Variants in GART observed in about 807,000 individuals in gnomAD.
The protein encoded by GART is phosphoribosylglycinamide formyltransferase, phosphoribosylglycinamide synthetase, phosphoribosylaminoimidazole synthetase.
GART carries 43 observed loss-of-function variants against 107.2 expected under a neutral mutation model. That is an observed-to-expected ratio of 0.40 (90% CI 0.31 to 0.52). GART has a LOEUF of 0.52. GART is among the 20% of genes least tolerant of loss of function. GART has a pLI of 0.52. For synonymous variants in GART, 434 were observed against 427.0 expected (o/e 1.02, Z -0.20); for missense variants, 1,107 against 1,206.5 (o/e 0.92, Z 1.22).
At chr21:33,533,489 A>T (rs2085238452) in intron 4 of GART, among the ~76,000 whole-genome samples, 1 of 151,098 alleles carries the variant, frequency 6.6e-6, no homozygotes, top group Admixed American at 6.6e-5. Context: ...ATAAATAAAT[A>T]AATAAAATAA....
chr21:33,517,208 C>A (rs1265348003), intron 15 of GART, 67 bp from the exon 16 acceptor site: 3 of 1,561,642 alleles, frequency 1.9e-6, no homozygotes, highest in Non-Finnish European at 2.6e-6. Flanking sequence ...AAAAATCAAC[C>A]TGGAGAATGA....
In GART at chr21:33,535,412, T is replaced by C. The variant is rs550954127; in HGVS notation, c.146-92A>G. 33 of 684,264 alleles carry C rather than the reference T, an allele frequency of 4.8e-5. No individual in the cohort carries two copies. The Admixed American group carries it at 6.5e-4, about 13-fold the overall frequency. The allele number at this position is 684,264 out of a possible 1,614,324, so 42.4% of individuals were successfully genotyped here. A position where few individuals can be genotyped will look rare whatever the true frequency, so the allele number is the denominator to read the frequency against. On this transcript the variant is annotated intron_variant, in intron 2 of 21. Coordinates refer to ENST00000381815, the MANE Select transcript of GART (RefSeq NM_000819.5). ...GTGTCTCACTAAAAAAACTAAGTTC[T>C]ATACTTTAGTATGCTTGTTATCTGT...
At chr21:33,537,045 G>A (rs907411792) in intron 2 of GART, among the ~76,000 whole-genome samples, 21 of 152,166 alleles carry the variant, frequency 1.4e-4, no homozygotes, top group African/African-American at 4.6e-4. Flanking sequence ...GGAGTACCAC[G>A]CACTGTGGGT....
At chr21:33,538,686 A>C (rs2085349772) in intron 2 of GART, among the ~76,000 whole-genome samples, 1 of 152,254 alleles carries the variant, frequency 6.6e-6, no homozygotes, top group African/African-American at 2.4e-5. Context: ...TATTCTGAAC[A>C]ATAGGTTACC....
chr21:33,540,958 T>G (rs2085402582), intron 1 of GART, among the ~76,000 whole-genome samples: 1 of 151,314 alleles, frequency 6.6e-6, no homozygotes, highest in Admixed American at 6.6e-5. Context: ...TAAGAGGGGG[T>G]GGAGCCTAAC....
At position 33,527,678 on chromosome 21, in the gene GART, GA is replaced by G. The variant is rs1367893715; in HGVS notation, c.1066+488del. Among the ~76,000 whole-genome samples the G allele has an allele frequency of 5.3e-5, 8 of 151,672 alleles. No homozygotes were observed. In the South Asian group the frequency reaches 6.2e-4, roughly 12 times the overall value. On this transcript the variant is annotated intron_variant, in intron 10 of 21. Transcript: ENST00000381815. ...CACCTACTTTATATAAAGAGAGAGA[GA>G]AAAAAAAGAGAAGGATAAACTTTGA...
At chr21:33,508,706 AG>A (rs1228972093) in intron 18 of GART, among the ~76,000 whole-genome samples, 6 of 151,828 alleles carry the variant, frequency 4.0e-5, no homozygotes, top group Admixed American at 3.3e-4. Context: ...TAGTGGAGAC[AG>A]GGTTTCACCA....
At chr21:33,508,723 G>C (rs1369871770) in intron 18 of GART, among the ~76,000 whole-genome samples, 3 of 151,916 alleles carry the variant, frequency 2.0e-5, no homozygotes, top group Non-Finnish European at 2.9e-5. Context: ...CACCATGTTG[G>C]CCAGGATGGT....
rs1192979567 is a variant in GART, at chr21:33,524,959, C to A, written c.1108G>T (p.Ala370Ser). Residue 370 changes from alanine to serine, a missense_variant, in exon 11 of 22, where the codon GCA becomes TCA. Coordinates refer to ENST00000381815, the MANE Select transcript of GART (RefSeq NM_000819.5). ...AQALGLEVFH[A>S]GTALKNGKVV... ...TTGCCATTTTTGAGGGCAGTGCCTG[C>A]ATGGAACACCTCCAGTCCTAGAGCT... 6.2e-7 allele frequency: 1 copy of A among 1,614,196 alleles called. No individual in the cohort carries two copies. The highest frequency in any genetic ancestry group is 1.1e-5 in the South Asian group (1 of 91,084).
intron 5 of GART, 77 bp downstream of exon 5, chr21:33,532,268 G>A (rs2085206541): frequency 1.0e-6 from 1 of 997,148 alleles, no homozygotes; most frequent in Non-Finnish European, 1.6e-6. Flanking sequence ...CTTATTGTGA[G>A]GAACATTTTT....
At chr21:33,518,582 C>G (rs994864298) in intron 14 of GART, 9 of 292,732 alleles carry the variant, frequency 3.1e-5, no homozygotes, top group African/African-American at 2.0e-4. Flanking sequence ...TAAATTTTAT[C>G]AGATCCATAA....
chr21:33,536,814 C>T (rs1480263155), intron 2 of GART, among the ~76,000 whole-genome samples: 5 of 152,150 alleles, frequency 3.3e-5, no homozygotes, highest in Non-Finnish European at 5.9e-5. Flanking sequence ...TCAGGTTGGA[C>T]GGCACAAAAT....
At chr21:33,505,413 G>A (rs1301651126) in intron 20 of GART, 148 bp downstream of exon 20, 1 of 590,504 alleles carries the variant, frequency 1.7e-6, no homozygotes, top group Non-Finnish European at 2.9e-6. Context: ...ACTGTGACCT[G>A]TGTTAAAGTA....
chr21:33,509,725 C>T (rs550791090), intron 18 of GART, 58 bp downstream of exon 18: 39 of 1,564,878 alleles, frequency 2.5e-5, no homozygotes, highest in Middle Eastern at 1.7e-4. Flanking sequence ...CACAAGAGTG[C>T]GGGGAGGAAA....
chr21:33,536,613 A>G (rs1445494343), intron 2 of GART, among the ~76,000 whole-genome samples: 2 of 152,268 alleles, frequency 1.3e-5, no homozygotes, highest in Non-Finnish European at 2.9e-5. Flanking sequence ...AATTAGGCAC[A>G]GTAAGAGATT....
intron 6 of GART, 111 bp from the exon 7 acceptor site, chr21:33,530,995 T>C (rs2085176928): frequency 2.9e-6 from 3 of 1,052,276 alleles, no homozygotes. Flanking sequence ...AAAGTTTGTT[T>C]TTTTTTTTGC....
At chr21:33,530,404 C>T (rs2085162767) in intron 7 of GART, among the ~76,000 whole-genome samples, 1 of 152,168 alleles carries the variant, frequency 6.6e-6, no homozygotes, top group Non-Finnish European at 1.5e-5. Context: ...ATATCACACA[C>T]ACACACAGAT....
At chr21:33,537,468 A>G (rs1298395551) in intron 2 of GART, among the ~76,000 whole-genome samples, 1 of 152,236 alleles carries the variant, frequency 6.6e-6, no homozygotes, top group Non-Finnish European at 1.5e-5. Flanking sequence ...TGGAGCTTAC[A>G]TTCTACTAGA....
chr21:33,542,731 T>A (rs1272455710), upstream of GART: 5 of 232,182 alleles, frequency 2.2e-5, no homozygotes. Context: ...TCGCCTTTAA[T>A]CTCAGGCACT....
Sources: gnomAD v4.1 joint callset for allele counts (sites outside exome capture counted in the v4.1 genomes callset) on GRCh38, gnomAD v4.1.1 for gene constraint, MANE v1.5 for transcripts, NCBI Gene and HGNC (gene_info 2026-07-23, HGNC 2026-07-21) for gene names.